Variants in ENOSF1 observed in about 807,000 individuals in gnomAD.
ENOSF1 encodes mitochondrial enolase superfamily member 1.
ENOSF1 carries 73 observed loss-of-function variants against 68.2 expected under a neutral mutation model. That is an observed-to-expected ratio of 1.07 (90% CI 0.89 to 1.30). The LOEUF is 1.30. Among genes scored for constraint, ENOSF1 ranks in the 50% most tolerant of loss-of-function variants. ENOSF1 has a pLI of 0.00. For missense variants in ENOSF1, 589 were observed against 554.5 expected (o/e 1.06, Z -0.62); for synonymous variants, 223 against 210.4 (o/e 1.06, Z -0.52).
downstream of ENOSF1, chr18:669,200 T>G (rs2074928938): frequency 6.3e-7 from 1 of 1,591,050 alleles, no homozygotes; most frequent in African/African-American, 1.3e-5. Context: ...CGTCTTCATT[T>G]ATACTAACCA....
chr18:674,288 T>C lies in ENOSF1; in HGVS notation c.*17A>G, dbSNP rs746008256. 4 of 1,553,602 alleles carry C rather than the reference T, an allele frequency of 2.6e-6. No homozygotes were observed. Among genetic ancestry groups the C allele is most frequent in the East Asian group, 2.3e-5 (1 of 43,966 alleles). On this transcript the variant is annotated 3_prime_UTR_variant, in exon 16 of 16. Coordinates refer to ENST00000647584, the MANE Select transcript of ENOSF1 (RefSeq NM_017512.7). ...CCCTTTCACTTCAGAAAGAAAAAAG[T>C]TGTTGGGGCTGAGCACTTAATTTTC...
At position 678,684 on chromosome 18, in the gene ENOSF1, G is replaced by T. The variant is rs748850686; in HGVS notation, c.918+12C>A. The T allele has an allele frequency of 6.3e-5, 102 of 1,613,620 alleles. 2 individuals carry two copies. The South Asian group carries it at 1.1e-3, about 18-fold the overall frequency. The stretch of plus-strand genomic sequence containing the variant: ...AAGGGGACGTCATCCACCTGTTGGG[G>T]GCGTCACTCACCTGTTCTCCTGTGG... On this transcript the variant is annotated intron_variant, in intron 12 of 15. Coordinates refer to ENST00000647584, the MANE Select transcript of ENOSF1 (RefSeq NM_017512.7).
Position 674,329 on chromosome 18 carries a change from T to C in ENOSF1, c.1308A>G (p.Lys436=), listed in dbSNP as rs1294565701. The change falls in exon 16 of 16, where the codon AAA becomes AAG. Residue 436 remains lysine, a synonymous_variant. Coordinates refer to ENST00000647584, the MANE Select transcript of ENOSF1 (RefSeq NM_017512.7). ...HQYPDGEVWK[K]LLPAQEN is the part of the protein sequence containing the mutation. The stretch of plus-strand genomic sequence containing the variant: ...CTTAATTTTCTTGAGCAGGAAGGAG[T>C]TTCTTCCAAACTTCACCATCTGGAT... The C allele has an allele frequency of 6.2e-7, 1 of 1,611,210 alleles. No individual in the cohort carries two copies.
At chr18:684,525 T>C (rs141961467) in intron 10 of ENOSF1, among the ~76,000 whole-genome samples, 2 of 152,104 alleles carry the variant, frequency 1.3e-5, no homozygotes, top group African/African-American at 4.8e-5. Flanking sequence ...TGAGACCCTA[T>C]CTCAAAAAAT....
intron 9 of ENOSF1, chr18:687,364 A>C (rs748983422): frequency 2.0e-5 from 3 of 152,182 alleles, no homozygotes; most frequent in Non-Finnish European, 4.4e-5. Flanking sequence ...TTAAGAACGC[A>C]TAGGAATCAC....
chr18:694,392 T>A, intron 3 of ENOSF1, 58 bp from the exon 4 acceptor site: 1 of 1,504,814 alleles, frequency 6.6e-7, no homozygotes, highest in Non-Finnish European at 9.1e-7. Context: ...GGGCTGGGTG[T>A]GATGGCTCAT....
chr18:663,830 T>C, the ENOSF1 span, among the ~76,000 whole-genome samples: 2 of 103,548 alleles, frequency 1.9e-5, no homozygotes, highest in Non-Finnish European at 3.7e-5. Flanking sequence ...TAGTTGTAGA[T>C]ATGCGGTGTT....
chr18:677,084 A>C (rs1261863587), intron 14 of ENOSF1, among the ~76,000 whole-genome samples: 1 of 152,246 alleles, frequency 6.6e-6, no homozygotes, highest in African/African-American at 2.4e-5. Flanking sequence ...GAGCTGGTTA[A>C]GGGAGTAGTG....
chr18:683,408 G>A, intron 10 of ENOSF1, 28 bp from the exon 11 acceptor site: 4 of 1,613,374 alleles, frequency 2.5e-6, no homozygotes, highest in Non-Finnish European at 2.5e-6. Flanking sequence ...TCACAGGGAG[G>A]TCAGCCCTGA....
chr18:679,302 C>G lies in ENOSF1; in HGVS notation c.877-565G>C, dbSNP rs558972586. Among the ~76,000 whole-genome samples the G allele has an allele frequency of 4.0e-5, 6 of 151,856 alleles. No individual in the cohort carries two copies. The South Asian group carries it at 8.4e-4, about 21-fold the overall frequency. On this transcript the variant is annotated intron_variant, in intron 11 of 15. Transcript: ENST00000647584. ...TTAGCTCACCGCAACCTCCACCCCC[C>G]AGGCTGAAGCGATTCTCGTGCCTCA...
intron 10 of ENOSF1, among the ~76,000 whole-genome samples, chr18:684,812 G>C (rs2076461229): frequency 6.6e-6 from 1 of 151,934 alleles, no homozygotes; most frequent in African/African-American, 2.4e-5. Context: ...TAAGTGATAA[G>C]AGCTCTCTCC....
intron 14 of ENOSF1, among the ~76,000 whole-genome samples, chr18:676,433 TA>T (rs1225168388): frequency 6.6e-6 from 1 of 152,176 alleles, no homozygotes; most frequent in Non-Finnish European, 1.5e-5. Context: ...ATCTGTTGTT[TA>T]AAAGTGTGTA....
chr18:676,389 G>A (rs771274264), intron 14 of ENOSF1, among the ~76,000 whole-genome samples: 4 of 143,048 alleles, frequency 2.8e-5, no homozygotes, highest in African/African-American at 8.0e-5. Context: ...TTTGGCACCC[G>A]TTCCTTGGTG....
At chr18:703,767 C>T (rs772405072) in intron 2 of ENOSF1, among the ~76,000 whole-genome samples, 1 of 152,178 alleles carries the variant, frequency 6.6e-6, no homozygotes, top group African/African-American at 2.4e-5. Flanking sequence ...GCACAAATTT[C>T]ATGTTGAAGT....
At chr18:665,129 C>A in the ENOSF1 span, among the ~76,000 whole-genome samples, 1 of 149,370 alleles carries the variant, frequency 6.7e-6, no homozygotes, top group Non-Finnish European at 1.5e-5. Context: ...TAGAATTCGG[C>A]TGTGAATCCA....
chr18:679,677 C>T (rs1235131987), intron 11 of ENOSF1, among the ~76,000 whole-genome samples: 4 of 152,190 alleles, frequency 2.6e-5, no homozygotes, highest in Admixed American at 6.5e-5. Context: ...AGGTACTGGA[C>T]TCTGCACCTG....
chr18:678,280 C>G (rs2075717660), intron 12 of ENOSF1: 3 of 285,422 alleles, frequency 1.1e-5, no homozygotes, highest in Non-Finnish European at 2.0e-5. Context: ...TGAGAATCAG[C>G]TCCTCACGCT....
At position 673,284 on chromosome 18, in the gene ENOSF1, G is replaced by A. The variant is rs1357707098; in HGVS notation, c.*1021C>T. ...ATGTGCTCTTAGCAAAAACATGTATGTGCATTTCAATCCCACGTACTTATA... is the reference window on the plus strand; with the variant it reads ...ATGTGCTCTTAGCAAAAACATGTATATGCATTTCAATCCCACGTACTTATA... On this transcript the variant is annotated 3_prime_UTR_variant, in exon 16 of 16. Transcript: ENST00000647584. 7.3e-6 allele frequency: 2 copies of A among 272,174 alleles called. No homozygotes were observed. Among genetic ancestry groups the A allele is most frequent in the African/African-American group, 2.2e-5 (1 of 46,466 alleles). 16.9% of individuals were successfully genotyped at this position (272,174 alleles called of 1,614,324 possible). A position where few individuals can be genotyped will look rare whatever the true frequency, so the allele number is the denominator to read the frequency against.
intron 11 of ENOSF1, among the ~76,000 whole-genome samples, chr18:679,207 T>C (rs1210964411): frequency 1.7e-5 from 2 of 117,070 alleles, no homozygotes; most frequent in African/African-American, 7.1e-5. Flanking sequence ...CCCTCTCATA[T>C]CTTTTTTTTT....
Sources: allele counts gnomAD v4.1 joint callset (sites outside exome capture counted in the v4.1 genomes callset), GRCh38; gene constraint gnomAD v4.1.1; transcripts MANE v1.5; gene names NCBI Gene and HGNC (gene_info 2026-07-23, HGNC 2026-07-21).